The following SRBD1 variants were observed in gnomAD, a reference collection of about 807,000 sequenced individuals.
SRBD1 encodes S1 RNA-binding domain-containing protein 1.
SRBD1 carries 88 observed loss-of-function variants against 115.3 expected under a neutral mutation model. That is an observed-to-expected ratio of 0.76 (90% confidence interval 0.64 to 0.91). The LOEUF (loss-of-function observed/expected upper bound fraction) is 0.91, where lower values mean the gene tolerates loss of function less well. SRBD1 is among the 40% of genes least tolerant of loss of function. The pLI, the probability that SRBD1 is intolerant of heterozygous loss-of-function variation, is 0.00. For synonymous variants in SRBD1, 509 were observed against 407.7 expected (o/e 1.25, Z -2.99); for missense variants, 1,385 against 1,177.4 (o/e 1.18, Z -2.58).
intron 14 of SRBD1, among the ~76,000 whole-genome samples, chr2:45,533,792 G>C (rs1220464750): frequency 2.6e-5 from 4 of 151,998 alleles, no homozygotes; most frequent in Non-Finnish European, 5.9e-5. Flanking sequence ...TTTAGGTTCT[G>C]TTAGAGCCTA....
At chr2:45,585,265 T>C (rs1353077771) in intron 5 of SRBD1, among the ~76,000 whole-genome samples, 1 of 152,110 alleles carries the variant, frequency 6.6e-6, no homozygotes, top group Admixed American at 6.5e-5. Context: ...TTTATGTGAG[T>C]GGTTAAAAGA....
At position 45,483,048 on chromosome 2, in the gene SRBD1, G is replaced by T. The variant is rs191830907; in HGVS notation, c.1966+5192C>A. Among the ~76,000 whole-genome samples, 147 of 152,080 alleles carry T rather than the reference G, an allele frequency of 9.7e-4. 1 individual carries two copies. Among genetic ancestry groups the T allele is most frequent in the Middle Eastern group, 6.8e-3 (2 of 294 alleles). On this transcript the variant is annotated intron_variant, in intron 15 of 20. Transcript: ENST00000263736. ...CAGGGTCAACTGTATTTATTAAAAG[G>T]CTTTAAAGTTCATTTGCAAAACACA...
intron 14 of SRBD1, among the ~76,000 whole-genome samples, chr2:45,506,337 T>C (rs1670796292): frequency 6.6e-6 from 1 of 152,190 alleles, no homozygotes; most frequent in Admixed American, 6.5e-5. Context: ...AGTTCCTCTC[T>C]TATGGCACAA....
intron 20 of SRBD1, among the ~76,000 whole-genome samples, chr2:45,391,694 C>A (rs1667006835): frequency 1.3e-5 from 2 of 152,114 alleles, no homozygotes; most frequent in Non-Finnish European, 2.9e-5. Context: ...GTCCAGAGCC[C>A]AGATGCATCT....
At chr2:45,428,697 C>T (rs1668236912) in intron 16 of SRBD1, among the ~76,000 whole-genome samples, 2 of 152,086 alleles carry the variant, frequency 1.3e-5, no homozygotes, top group African/African-American at 4.8e-5. Context: ...GCACTAAATG[C>T]CCACAGGGGA....
At chr2:45,500,272 C>A (rs1344557481) in intron 14 of SRBD1, among the ~76,000 whole-genome samples, 1 of 137,166 alleles carries the variant, frequency 7.3e-6, no homozygotes, top group African/African-American at 2.7e-5. Flanking sequence ...TTATTCTGTG[C>A]ATGTCTCTGT....
chr2:45,551,662 TG>T (rs1672305110), intron 11 of SRBD1, among the ~76,000 whole-genome samples: 2 of 151,984 alleles, frequency 1.3e-5, no homozygotes, highest in African/African-American at 4.8e-5. Context: ...TCCCGGACAA[TG>T]GAAACAGCAT....
intron 9 of SRBD1, among the ~76,000 whole-genome samples, chr2:45,566,315 C>T (rs544865386): frequency 3.3e-5 from 5 of 152,244 alleles, no homozygotes; most frequent in South Asian, 4.1e-4. Flanking sequence ...AAACTATTCA[C>T]TGACTGATGA....
At chr2:45,513,519 TGAA>T (rs753834729) in intron 14 of SRBD1, among the ~76,000 whole-genome samples, 2 of 152,048 alleles carry the variant, frequency 1.3e-5, no homozygotes, top group African/African-American at 2.4e-5. Context: ...GCATAAAAGT[TGAA>T]GAAGATGAAA....
At chr2:45,515,864 A>T (rs1272028426) in intron 14 of SRBD1, among the ~76,000 whole-genome samples, 1 of 152,210 alleles carries the variant, frequency 6.6e-6, no homozygotes, top group East Asian at 1.9e-4. Flanking sequence ...TATCATCAGT[A>T]GGCAGGTCAT....
chr2:45,415,978 A>G (rs1204120233), intron 18 of SRBD1, among the ~76,000 whole-genome samples: 1 of 152,122 alleles, frequency 6.6e-6, no homozygotes, highest in Non-Finnish European at 1.5e-5. Flanking sequence ...GATCATAAGA[A>G]TAGAAGATGT....
intron 13 of SRBD1, 38 bp from the exon 14 acceptor site, chr2:45,546,877 G>A: frequency 2.6e-6 from 4 of 1,563,844 alleles, no homozygotes; most frequent in Non-Finnish European, 2.6e-6. Flanking sequence ...TGAATTTCAA[G>A]GCATGCTTTG....
chr2:45,531,798 C>A (rs1224352171), intron 14 of SRBD1, among the ~76,000 whole-genome samples: 1 of 151,642 alleles, frequency 6.6e-6, no homozygotes, highest in Admixed American at 6.6e-5. Context: ...TCTCTGAGTC[C>A]TTTTTCCTTT....
intron 14 of SRBD1, among the ~76,000 whole-genome samples, chr2:45,513,208 G>T (rs1334613801): frequency 6.6e-6 from 1 of 152,122 alleles, no homozygotes; most frequent in Non-Finnish European, 1.5e-5. Flanking sequence ...ATGCCAGAGA[G>T]CTGGACAGAT....
chr2:45,553,552 A>G (rs2104065047), intron 11 of SRBD1, 71 bp downstream of exon 11: 2 of 952,040 alleles, frequency 2.1e-6, no homozygotes, highest in East Asian at 5.5e-5. Context: ...AACATTAGCT[A>G]CACACTGTAA....
At chr2:45,394,412 T>A (rs1402005041) in intron 19 of SRBD1, among the ~76,000 whole-genome samples, 2 of 152,208 alleles carry the variant, frequency 1.3e-5, no homozygotes, top group Non-Finnish European at 2.9e-5. Context: ...AATGGCACTT[T>A]AAAAATGTCA....
At chr2:45,475,493 G>T (rs551307728) in intron 16 of SRBD1, among the ~76,000 whole-genome samples, 87 of 152,144 alleles carry the variant, frequency 5.7e-4, no homozygotes, top group African/African-American at 2.0e-3. Context: ...CACATTAAAC[G>T]TTATCTCTGA....
rs1017602408 is a variant in SRBD1 at position 45,389,890 on chromosome 2, A to G, written c.2699-291T>C. Reference sequence around the variant, plus strand: ...GACAGTCTTATTTTCCTCTTTGTGAAGAGGTGATGAGAATATATATTTGCT... The same window carrying G: ...GACAGTCTTATTTTCCTCTTTGTGAGGAGGTGATGAGAATATATATTTGCT... On this transcript the variant is annotated intron_variant, in intron 20 of 20. Transcript: ENST00000263736. 3.3e-5 allele frequency among the ~76,000 whole-genome samples: 5 copies of G among 152,214 alleles called. 1 individual carries two copies. The highest frequency in any genetic ancestry group is 2.6e-4 in the Admixed American group (4 of 15,280).
In SRBD1 at chr2:45,418,535, A is replaced by T. The variant is rs1242335383; in HGVS notation, c.2163T>A (p.Ile721=). Reference sequence around the variant, plus strand: ...TGGCCCTGTTGGCATTGAGTCCTGCAATATGCCTAGAAAAAAAAAATAAGC... The same window carrying T: ...TGGCCCTGTTGGCATTGAGTCCTGCTATATGCCTAGAAAAAAAAAATAAGC... ...NICSEVLLRH[I]AGLNANRAKN... is the part of the protein sequence containing the mutation. Residue 721 remains isoleucine (I), a synonymous_variant, in exon 18 of 21, where the codon ATT becomes ATA. Coordinates refer to ENST00000263736, the MANE Select transcript of SRBD1 (RefSeq NM_018079.5). 1.2e-6 allele frequency: 2 copies of T among 1,600,546 alleles called. No individual in the cohort carries two copies. The highest frequency in any genetic ancestry group is 1.7e-6 in the Non-Finnish European group (2 of 1,176,436).
Sources: gnomAD v4.1 joint callset for allele counts (sites outside exome capture counted in the v4.1 genomes callset) on GRCh38, gnomAD v4.1.1 for gene constraint, MANE v1.5 for transcripts, NCBI Gene and HGNC (gene_info 2026-07-23, HGNC 2026-07-21) for gene names.